Variants in GTF2A1L observed in about 807,000 individuals in gnomAD.
GTF2A1L encodes the protein TFIIA-alpha and beta-like factor.
A neutral mutation model predicts 49.7 loss-of-function variants in GTF2A1L; 48 were observed. The observed-to-expected ratio is 0.97, with a 90% confidence interval of 0.77 to 1.23. The LOEUF (loss-of-function observed/expected upper bound fraction) is 1.23, where lower values mean the gene tolerates loss of function less well. GTF2A1L is among the 50% of genes most tolerant of loss of function. The pLI is 0.00. For missense variants in GTF2A1L, 736 were observed against 564.8 expected, an observed-to-expected ratio of 1.30 and a Z score of -3.07; for synonymous variants, 246 against 193.5, an observed-to-expected ratio of 1.27 and a Z score of -2.25.
chr2:48,647,482 C>T (rs1438745955), intron 6 of GTF2A1L, among the ~76,000 whole-genome samples: 1 of 152,052 alleles, frequency 6.6e-6, no homozygotes, highest in Non-Finnish European at 1.5e-5. Context: ...TATTTTATGT[C>T]TGCAGATAAA....
chr2:48,676,088 T>TCAAATA (rs1402338738), intron 8 of GTF2A1L, among the ~76,000 whole-genome samples: 1 of 151,940 alleles, frequency 6.6e-6, no homozygotes, highest in Non-Finnish European at 1.5e-5. Flanking sequence ...ATTTCTTTAT[T>TCAAATA]CAAATACAAA....
At chr2:48,663,969 T>G (rs1160685154) in intron 6 of GTF2A1L, among the ~76,000 whole-genome samples, 2 of 152,222 alleles carry the variant, frequency 1.3e-5, no homozygotes, top group East Asian at 1.9e-4. Flanking sequence ...TATATAGATA[T>G]GCAGTTGAAT....
At chr2:48,665,717 T>C (rs963145122) in intron 6 of GTF2A1L, among the ~76,000 whole-genome samples, 2 of 152,158 alleles carry the variant, frequency 1.3e-5, no homozygotes, top group African/African-American at 4.8e-5. Context: ...AGGGTTTGTT[T>C]TATGTTTCAG....
intron 3 of GTF2A1L, among the ~76,000 whole-genome samples, chr2:48,634,360 C>G (rs1026700180): frequency 6.6e-6 from 1 of 152,196 alleles, no homozygotes; most frequent in African/African-American, 2.4e-5. Context: ...ATCTGCCTGC[C>G]TCGGCCTCCC....
intron 3 of GTF2A1L, among the ~76,000 whole-genome samples, chr2:48,623,847 G>A (rs1676148858): frequency 6.6e-6 from 1 of 152,142 alleles, no homozygotes; most frequent in South Asian, 2.1e-4. Context: ...ACTTATAAAT[G>A]GGAGTTAAAC....
chr2:48,625,609 G>T (rs988835565), intron 3 of GTF2A1L, among the ~76,000 whole-genome samples: 1 of 137,720 alleles, frequency 7.3e-6, no homozygotes, highest in African/African-American at 2.6e-5. Context: ...TTGAGGGAGG[G>T]TCTTGCTCTG....
chr2:48,627,323 A>G lies in GTF2A1L; in HGVS notation c.247+6033A>G, dbSNP rs1307765503. 1.4e-5 allele frequency among the ~76,000 whole-genome samples: 2 copies of G among 144,246 alleles called. 1 individual carries two copies. Among genetic ancestry groups the G allele is most frequent in the African/African-American group, 4.9e-5 (2 of 40,512 alleles). 94.6% of individuals were successfully genotyped at this position (144,246 alleles called of 152,430 possible). ...CTGGAACCACAAGGAACTTTTTGGA[A>G]TATTTCATTAGGGTTTATTGGTATA... On this transcript the variant is annotated intron_variant, in intron 3 of 8. Coordinates refer to ENST00000403751, the MANE Select transcript of GTF2A1L (RefSeq NM_006872.5).
chr2:48,635,473 G>A (rs1034299594), intron 3 of GTF2A1L, among the ~76,000 whole-genome samples: 23 of 151,992 alleles, frequency 1.5e-4, no homozygotes, highest in Admixed American at 1.2e-3. Flanking sequence ...ACTTCACCTC[G>A]ATCCCAGGGG....
intron 6 of GTF2A1L, among the ~76,000 whole-genome samples, chr2:48,658,056 G>T (rs574606105): frequency 8.9e-4 from 136 of 152,256 alleles, no homozygotes; most frequent in Non-Finnish European, 1.7e-3. Flanking sequence ...TCTGTAGATT[G>T]TTCACTCTGT....
rs756605843 is a variant in GTF2A1L, at chr2:48,620,966, A to G, written c.123+14A>G. The G allele has an allele frequency of 1.3e-6, 2 of 1,589,830 alleles. No individual in the cohort carries two copies. The highest frequency in any genetic ancestry group is 1.7e-6 in the Non-Finnish European group (2 of 1,172,540). On this transcript the variant is annotated intron_variant, in intron 2 of 8. Transcript: ENST00000403751. ...GACTTGAAGCAGGTTTGTAGCCGAT[A>G]CAACTTTTTCTTCCTGTCTTTTGTT...
chr2:48,653,121 T>C (rs1200468506), intron 6 of GTF2A1L, among the ~76,000 whole-genome samples: 1 of 148,234 alleles, frequency 6.7e-6, no homozygotes, highest in Admixed American at 6.9e-5. Flanking sequence ...CTCGGGAGGC[T>C]GAGGCAGGAG....
intron 6 of GTF2A1L, among the ~76,000 whole-genome samples, chr2:48,653,429 C>A (rs989818022): frequency 6.6e-6 from 1 of 152,132 alleles, no homozygotes; most frequent in Non-Finnish European, 1.5e-5. Flanking sequence ...CTCTTTCAAC[C>A]CCCAGTTCCT....
intron 6 of GTF2A1L, among the ~76,000 whole-genome samples, chr2:48,657,760 CTT>C (rs1358844326): frequency 1.2e-4 from 5 of 43,130 alleles, no homozygotes; most frequent in Non-Finnish European, 2.6e-4. Context: ...GCTGGAATCT[CTT>C]GTTTTTTTTT....
At chr2:48,623,746 G>T (rs892894918) in intron 3 of GTF2A1L, among the ~76,000 whole-genome samples, 3 of 152,118 alleles carry the variant, frequency 2.0e-5, no homozygotes, top group Admixed American at 2.0e-4. Context: ...AAGAGAGAAA[G>T]AAATGTCCTT....
chr2:48,663,223 C>T (rs1678621700), intron 6 of GTF2A1L, among the ~76,000 whole-genome samples: 1 of 152,042 alleles, frequency 6.6e-6, no homozygotes, highest in Admixed American at 6.6e-5. Context: ...TGCTTGAGTT[C>T]AGGAGTTCAA....
chr2:48,647,053 G>A lies in GTF2A1L; in HGVS notation c.978+11G>A, dbSNP rs967508253. ...CCTGTATCAGAGAAGGTATAGTTCT[G>A]TGTCCAACTTCTTGGTATCAGGGGA... On this transcript the variant is annotated intron_variant, in intron 6 of 8. Transcript: ENST00000403751. 2 of 1,565,042 alleles carry A rather than the reference G, an allele frequency of 1.3e-6. No individual in the cohort carries two copies. The highest frequency in any genetic ancestry group is 2.3e-5 in the East Asian group (1 of 44,310).
At chr2:48,627,893 T>C (rs1380409388) in intron 3 of GTF2A1L, among the ~76,000 whole-genome samples, 1 of 143,480 alleles carries the variant, frequency 7.0e-6, no homozygotes, top group Non-Finnish European at 1.6e-5. Context: ...ATCCCTCTAG[T>C]AGTACCCATT....
At chr2:48,664,427 T>G (rs1678699149) in intron 6 of GTF2A1L, among the ~76,000 whole-genome samples, 1 of 152,178 alleles carries the variant, frequency 6.6e-6, no homozygotes, top group Admixed American at 6.5e-5. Flanking sequence ...GATTGATTTT[T>G]GAATGTTCAG....
chr2:48,643,627 C>T (rs1677325790), intron 4 of GTF2A1L, among the ~76,000 whole-genome samples: 1 of 151,476 alleles, frequency 6.6e-6, no homozygotes. Flanking sequence ...CAGTGGCTCA[C>T]ACCTGTAATC....
Sources: allele counts gnomAD v4.1 joint callset (sites outside exome capture counted in the v4.1 genomes callset), GRCh38; gene constraint gnomAD v4.1.1; transcripts MANE v1.5; gene names NCBI Gene and HGNC (gene_info 2026-07-23, HGNC 2026-07-21).